Variants in BRK1 observed in about 807,000 individuals in gnomAD.
BRK1 encodes the protein protein BRICK1.
Under a neutral mutation model 9.9 loss-of-function variants are expected in BRK1, and 6 were observed. That is an observed-to-expected ratio of 0.60 (90% confidence interval 0.33 to 1.19). BRK1 has a LOEUF of 1.19. Among genes scored for constraint, BRK1 ranks in the 50% most tolerant of loss-of-function variants. The probability of loss-of-function intolerance (pLI) is 0.04; values close to 1 mark genes in which losing one functional copy is unlikely to be tolerated. For synonymous variants in BRK1, 44 were observed against 31.9 expected (o/e 1.38, Z -1.28); for missense variants, 62 against 97.5 (o/e 0.64, Z 1.53).
intron 1 of BRK1, among the ~76,000 whole-genome samples, chr3:10,123,437 C>CTTTTTT (rs1695785434): frequency 7.6e-6 from 1 of 131,964 alleles, no homozygotes; most frequent in Non-Finnish European, 1.6e-5. Flanking sequence ...TACTTTCTTT[C>CTTTTTT]CTTTTTTTTT....
chr3:10,126,417 CT>C lies in BRK1; in HGVS notation c.*128del. ...AGCAACAGGGCTTATTCTTGTTTTT[CT>C]TTTTTCAAAAGTGTGGCCTTTGGGC... On this transcript the variant is annotated 3_prime_UTR_variant, in exon 3 of 3. Coordinates refer to ENST00000530758, the MANE Select transcript of BRK1 (RefSeq NM_018462.5). The C allele has an allele frequency of 1.1e-6, 1 of 950,882 alleles. No individual in the cohort carries two copies. The allele number at this position is 950,882 out of a possible 1,614,324, so 58.9% of individuals were successfully genotyped here.
At chr3:10,125,578 C>A in intron 1 of BRK1, 48 bp from the exon 2 acceptor site, 1 of 1,154,478 alleles carries the variant, frequency 8.7e-7, no homozygotes, top group Non-Finnish European at 1.3e-6. Flanking sequence ...GTGTCTGTGT[C>A]TGTGTTTGGA....
At chr3:10,123,155 C>G (rs944866714) in intron 1 of BRK1, among the ~76,000 whole-genome samples, 5 of 152,166 alleles carry the variant, frequency 3.3e-5, no homozygotes, top group Non-Finnish European at 5.9e-5. Flanking sequence ...GTTCCTGTTA[C>G]AGAAGTTTGC....
chr3:10,126,402 C>T lies in BRK1; in HGVS notation c.*107C>T. 1 of 1,007,638 alleles carries T rather than the reference C, an allele frequency of 9.9e-7. No homozygotes were observed. Among genetic ancestry groups the T allele is most frequent in the South Asian group, 1.5e-5 (1 of 67,040 alleles). 62.4% of individuals were successfully genotyped at this position (1,007,638 alleles called of 1,614,324 possible). A position where few individuals can be genotyped will look rare whatever the true frequency, so the allele number is the denominator to read the frequency against. On this transcript the variant is annotated 3_prime_UTR_variant, in exon 3 of 3. Coordinates refer to ENST00000530758, the MANE Select transcript of BRK1 (RefSeq NM_018462.5). ...CCTTTCTCCTTAAAGAGCAACAGGG[C>T]TTATTCTTGTTTTTCTTTTTTCAAA... is the stretch of plus-strand genomic sequence containing the variant.
intron 1 of BRK1, among the ~76,000 whole-genome samples, chr3:10,119,303 A>G (rs1472148479): frequency 6.6e-6 from 1 of 152,106 alleles, no homozygotes; most frequent in African/African-American, 2.4e-5. Context: ...TAAAAAATAC[A>G]AAAATTAGCC....
intron 1 of BRK1, among the ~76,000 whole-genome samples, chr3:10,120,373 G>C (rs1041474064): frequency 1.3e-5 from 2 of 151,944 alleles, no homozygotes; most frequent in Non-Finnish European, 2.9e-5. Flanking sequence ...TTTTGTATTA[G>C]TAGTAGAGAT....
Position 10,127,114 on chromosome 3 carries a change from G to A in BRK1, c.*819G>A, listed in dbSNP as rs1464530556. On this transcript the variant is annotated 3_prime_UTR_variant, in exon 3 of 3. Transcript: ENST00000530758. ...GACTAGCTCATCTTGGGAATCATTTGGTCATTCAGCACATTTACCAAGTAT... is the reference window on the plus strand; with the variant it reads ...GACTAGCTCATCTTGGGAATCATTTAGTCATTCAGCACATTTACCAAGTAT... 1 of 152,244 alleles carries A rather than the reference G, an allele frequency of 6.6e-6. No individual in the cohort carries two copies. The highest frequency in any genetic ancestry group is 1.5e-5 in the Non-Finnish European group (1 of 68,024). 9.4% of individuals were successfully genotyped at this position (152,244 alleles called of 1,614,324 possible).
At chr3:10,116,863 C>A (rs1442394296) in intron 1 of BRK1, among the ~76,000 whole-genome samples, 3 of 152,176 alleles carry the variant, frequency 2.0e-5, no homozygotes, top group Non-Finnish European at 1.5e-5. Context: ...CAAAGAAGTT[C>A]TAATCTTGAA....
At position 10,125,614 on chromosome 3, in the gene BRK1, T is replaced by C; in HGVS notation, c.119-12T>C. 1 of 1,588,790 alleles carries C rather than the reference T, an allele frequency of 6.3e-7. No homozygotes were observed. The highest frequency in any genetic ancestry group is 1.3e-5 in the African/African-American group (1 of 74,522). On this transcript the variant is annotated splice_polypyrimidine_tract_variant and intron_variant, in intron 1 of 2. Coordinates refer to ENST00000530758, the MANE Select transcript of BRK1 (RefSeq NM_018462.5). Reference sequence around the variant, plus strand: ...GTGACATTAATCCTGAACACCAGTCTCTTTTTCTCAGATATGTCTTGTCGT... The same window carrying C: ...GTGACATTAATCCTGAACACCAGTCCCTTTTTCTCAGATATGTCTTGTCGT...
At chr3:10,122,235 C>A (rs1245460752) in intron 1 of BRK1, among the ~76,000 whole-genome samples, 1 of 152,020 alleles carries the variant, frequency 6.6e-6, no homozygotes, top group Non-Finnish European at 1.5e-5. Flanking sequence ...TTGTAACTTT[C>A]AATGGCTATT....
At position 10,126,345 on chromosome 3, in the gene BRK1, A is replaced by T; in HGVS notation, c.*50A>T. 1 of 1,530,700 alleles carries T rather than the reference A, an allele frequency of 6.5e-7. No individual in the cohort carries two copies. The highest frequency in any genetic ancestry group is 8.9e-7 in the Non-Finnish European group (1 of 1,126,044). 94.8% of individuals were successfully genotyped at this position (1,530,700 alleles called of 1,614,324 possible). ...AGTTGCTTTACACAACACAGGCCAC[A>T]TGGGAAAGGCCCCAGCAGCCTTCAG... On this transcript the variant is annotated 3_prime_UTR_variant, in exon 3 of 3. Coordinates refer to ENST00000530758, the MANE Select transcript of BRK1 (RefSeq NM_018462.5).
At chr3:10,123,207 A>G (rs1695782357) in intron 1 of BRK1, among the ~76,000 whole-genome samples, 1 of 152,216 alleles carries the variant, frequency 6.6e-6, no homozygotes, top group Non-Finnish European at 1.5e-5. Flanking sequence ...TTCATTTTGA[A>G]TGAGATGGTA....
chr3:10,126,171 TCTG>T lies in BRK1; in HGVS notation c.202-95_202-93del, dbSNP rs1186765575. On this transcript the variant is annotated intron_variant, in intron 2 of 2. Transcript: ENST00000530758. ...CTGTGACTTCACAGCTATCTTCTTT[TCTG>T]CTATTTCTCACTGCCTAGGATCTAA... The T allele has an allele frequency of 7.9e-6, 6 of 762,454 alleles. No homozygotes were observed. The African/African-American group carries it at 1.1e-4, about 14-fold the overall frequency. The allele number at this position is 762,454 out of a possible 1,614,324, so 47.2% of individuals were successfully genotyped here. A position where few individuals can be genotyped will look rare whatever the true frequency, so the allele number is the denominator to read the frequency against.
chr3:10,123,610 A>G (rs1164965444), intron 1 of BRK1, among the ~76,000 whole-genome samples: 2 of 109,812 alleles, frequency 1.8e-5, no homozygotes, highest in African/African-American at 3.6e-5. Flanking sequence ...AATTTTTTGT[A>G]TTTTTAATAG....
intron 1 of BRK1, among the ~76,000 whole-genome samples, chr3:10,120,117 C>T (rs573452795): frequency 3.4e-4 from 51 of 152,150 alleles, no homozygotes; most frequent in African/African-American, 1.2e-3. Flanking sequence ...GCAACCTCCG[C>T]CTCCCGGGTT....
In BRK1 at chr3:10,126,574, C is replaced by G. The variant is rs1000836748; in HGVS notation, c.*279C>G. The G allele has an allele frequency of 3.2e-5, 12 of 375,672 alleles. No homozygotes were observed. The highest frequency in any genetic ancestry group is 4.4e-5 in the Admixed American group (1 of 22,764). The allele number at this position is 375,672 out of a possible 1,614,324, so 23.3% of individuals were successfully genotyped here. ...GTCAATGTATTTGAGACATTCACAGCCAAAAGCCTGGGACTCTTTGTGAAG... is the reference window on the plus strand; with the variant it reads ...GTCAATGTATTTGAGACATTCACAGGCAAAAGCCTGGGACTCTTTGTGAAG... On this transcript the variant is annotated 3_prime_UTR_variant, in exon 3 of 3. Transcript: ENST00000530758.
chr3:10,120,551 C>G (rs546718546), intron 1 of BRK1, among the ~76,000 whole-genome samples: 1 of 152,148 alleles, frequency 6.6e-6, no homozygotes, highest in Non-Finnish European at 1.5e-5. Context: ...AGAGAAGGAG[C>G]TGTCTGATAA....
At position 10,117,368 on chromosome 3, in the gene BRK1, C is replaced by T. The variant is rs529496273; in HGVS notation, c.118+1549C>T. 1.1e-4 allele frequency among the ~76,000 whole-genome samples: 16 copies of T among 145,464 alleles called. 1 individual carries two copies. In the South Asian group the frequency reaches 3.5e-3, roughly 32 times the overall value. ...TTTATGATCAGATAGAGAGTAAAGA[C>T]TTTATTTGGGCTTTTCAACAAATTC... On this transcript the variant is annotated intron_variant, in intron 1 of 2. Coordinates refer to ENST00000530758, the MANE Select transcript of BRK1 (RefSeq NM_018462.5).
chr3:10,125,224 C>A (rs1046998894), intron 1 of BRK1, among the ~76,000 whole-genome samples: 1 of 152,110 alleles, frequency 6.6e-6, no homozygotes, highest in African/African-American at 2.4e-5. Flanking sequence ...CTGCCTCAGC[C>A]TCTTAAGTAG....
Sources: allele counts gnomAD v4.1 joint callset (sites outside exome capture counted in the v4.1 genomes callset), GRCh38; gene constraint gnomAD v4.1.1; transcripts MANE v1.5; gene names NCBI Gene and HGNC (gene_info 2026-07-23, HGNC 2026-07-21).